TTLL4: variants seen among roughly 807,000 people sequenced by gnomAD.
TTLL4 encodes the protein tubulin monoglutamylase TTLL4.
Under a neutral mutation model 122.7 loss-of-function variants are expected in TTLL4, and 85 were observed. The observed-to-expected ratio is 0.69, with a 90% CI of 0.58 to 0.83. TTLL4 has a LOEUF of 0.83. Among genes scored for constraint, TTLL4 ranks in the 40% least tolerant of loss-of-function variants. The pLI, the probability that TTLL4 is intolerant of heterozygous loss-of-function variation, is 0.00. For synonymous variants in TTLL4, 553 were observed against 563.0 expected (o/e 0.98, Z 0.25); for missense variants, 1,363 against 1,488.6 (o/e 0.92, Z 1.39).
chr2:218,748,654 C>CAAAAA (rs570493846), intron 12 of TTLL4, 182 bp from the exon 13 acceptor site: 43 of 229,524 alleles, frequency 1.9e-4, no homozygotes, highest in African/African-American at 2.5e-4. Context: ...AACTCCATCT[C>CAAAAA]AAAAAAAAAA....
rs1050234174 is a variant in TTLL4 at position 218,729,001 on chromosome 2, C to T, written c.-99+1654C>T. On this transcript the variant is annotated intron_variant, in intron 2 of 19. Transcript: ENST00000392102. ...AGGCTGGAATGCAATGGCATGATCT[C>T]GGCTCACTGTAGCCTCCACCTCCCA... Among the ~76,000 whole-genome samples, 68 of 145,906 alleles carry T rather than the reference C, an allele frequency of 4.7e-4. 1 individual carries two copies. The highest frequency in any genetic ancestry group is 4.2e-4 in the Admixed American group (6 of 14,156).
chr2:218,719,810 C>T (rs2106394163), intron 1 of TTLL4, among the ~76,000 whole-genome samples: 1 of 152,256 alleles, frequency 6.6e-6, no homozygotes, highest in South Asian at 2.1e-4. Context: ...AAGGGATTGA[C>T]CTGATGAAGC....
At chr2:218,712,352 A>G (rs1941734255) in intron 1 of TTLL4, among the ~76,000 whole-genome samples, 2 of 151,754 alleles carry the variant, frequency 1.3e-5, no homozygotes, top group Admixed American at 1.3e-4. Flanking sequence ...CTAGCTTAAC[A>G]TGAATACATT....
intron 14 of TTLL4, 21 bp downstream of exon 14, chr2:218,749,408 A>T (rs750563844): frequency 1.2e-6 from 2 of 1,613,154 alleles, no homozygotes; most frequent in Non-Finnish European, 1.7e-6. Context: ...TTCTCAGGAC[A>T]CTCACCATAG....
intron 2 of TTLL4, among the ~76,000 whole-genome samples, chr2:218,730,097 C>T (rs1309544697): frequency 6.6e-6 from 1 of 151,964 alleles, no homozygotes; most frequent in Non-Finnish European, 1.5e-5. Flanking sequence ...AGTTTTACTT[C>T]TTCCTTTCCA....
Position 218,754,473 on chromosome 2 carries a change from A to G in TTLL4, c.*84A>G. The G allele has an allele frequency of 1.3e-6, 2 of 1,538,236 alleles. 1 individual carries two copies. Among genetic ancestry groups the G allele is most frequent in the Non-Finnish European group, 1.8e-6 (2 of 1,137,102 alleles). On this transcript the variant is annotated 3_prime_UTR_variant, in exon 20 of 20. Transcript: ENST00000392102. ...CCAGCCTGCTGTTCAGACCAGTCTGACCCCCTACCCCTTTCACCCTGTCCC... is the reference window on the plus strand; with the variant it reads ...CCAGCCTGCTGTTCAGACCAGTCTGGCCCCCTACCCCTTTCACCCTGTCCC...
intron 8 of TTLL4, 74 bp downstream of exon 8, chr2:218,746,305 G>A (rs1268312676): frequency 1.3e-6 from 2 of 1,518,748 alleles, no homozygotes; most frequent in Admixed American, 1.7e-5. Flanking sequence ...ATGTGAGTAG[G>A]GGGTAGGGGG....
At chr2:218,751,673 C>T (rs1385032247) in intron 15 of TTLL4, 31 bp from the exon 16 acceptor site, 4 of 1,607,636 alleles carry the variant, frequency 2.5e-6, no homozygotes, top group African/African-American at 1.3e-5. Context: ...GCTGACCCTG[C>T]CCTTTGCTTT....
At chr2:218,750,867 A>T (rs1575183670) in intron 15 of TTLL4, among the ~76,000 whole-genome samples, 5 of 148,988 alleles carry the variant, frequency 3.4e-5, no homozygotes. Context: ...CAGTATGGCC[A>T]TTTTTTTTTT....
chr2:218,750,183 A>T, intron 15 of TTLL4, 37 bp downstream of exon 15: 1 of 1,607,458 alleles, frequency 6.2e-7, no homozygotes, highest in Non-Finnish European at 8.5e-7. Flanking sequence ...TGCTGGCAGC[A>T]TGAGTAGCCC....
At chr2:218,741,069 T>A (rs1011461888) in intron 5 of TTLL4, among the ~76,000 whole-genome samples, 1 of 151,568 alleles carries the variant, frequency 6.6e-6, no homozygotes, top group Non-Finnish European at 1.5e-5. Flanking sequence ...CAAGACTTTG[T>A]CTCAAAAACA....
intron 3 of TTLL4, among the ~76,000 whole-genome samples, chr2:218,739,434 G>T (rs1472213205): frequency 1.3e-5 from 2 of 152,194 alleles, no homozygotes; most frequent in Admixed American, 1.3e-4. Flanking sequence ...CGATGGTAGA[G>T]CTGAGTAGTT....
intron 8 of TTLL4, 87 bp from the exon 9 acceptor site, chr2:218,746,916 A>T: frequency 1.4e-6 from 2 of 1,435,684 alleles, no homozygotes; most frequent in Non-Finnish European, 1.9e-6. Flanking sequence ...GCTGCTAAAG[A>T]AGTTGGAATG....
At chr2:218,744,962 A>G (rs1272674706) in intron 5 of TTLL4, 147 bp from the exon 6 acceptor site, 2 of 1,082,958 alleles carry the variant, frequency 1.8e-6, no homozygotes, top group African/African-American at 3.2e-5. Flanking sequence ...TAATATGTAC[A>G]AAATAATTAT....
In TTLL4 at chr2:218,712,388, C is replaced by CT. The variant is rs55690203; in HGVS notation, c.-178+1367dup. ...TCCAGATCCTCAGCTTCCCAGTGAACTTTTTTTTTTTTTTTTGAGACAGAG... is the reference window on the plus strand; with the variant it reads ...TCCAGATCCTCAGCTTCCCAGTGAACTTTTTTTTTTTTTTTTTGAGACAGAG... On this transcript the variant is annotated intron_variant, in intron 1 of 19. Transcript: ENST00000392102. Among the ~76,000 whole-genome samples the CT allele has an allele frequency of 3.4e-3, 482 of 141,620 alleles. 2 individuals carry two copies. The highest frequency in any genetic ancestry group is 7.4e-3 in the Middle Eastern group (2 of 272). The allele number at this position is 141,620 out of a possible 152,430, so 92.9% of individuals were successfully genotyped here. A position where few individuals can be genotyped will look rare whatever the true frequency, so the allele number is the denominator to read the frequency against.
At chr2:218,750,559 A>T (rs548308352) in intron 15 of TTLL4, among the ~76,000 whole-genome samples, 1 of 151,748 alleles carries the variant, frequency 6.6e-6, no homozygotes, top group Non-Finnish European at 1.5e-5. Context: ...AAAAATTCTT[A>T]CCTGGGCAGT....
At chr2:218,748,352 A>T in intron 12 of TTLL4, 125 bp downstream of exon 12, 12 of 1,412,680 alleles carry the variant, frequency 8.5e-6, no homozygotes, top group Non-Finnish European at 1.1e-5. Flanking sequence ...ACACTTACCA[A>T]TTCAGAATTG....
At chr2:218,743,098 C>T (rs998750300) in intron 5 of TTLL4, among the ~76,000 whole-genome samples, 12 of 151,904 alleles carry the variant, frequency 7.9e-5, no homozygotes, top group South Asian at 2.1e-4. Context: ...GAGCCGGTAT[C>T]GTGCCACTGC....
At chr2:218,750,305 G>A (rs1287810111) in intron 15 of TTLL4, among the ~76,000 whole-genome samples, 159 bp downstream of exon 15, 1 of 152,144 alleles carries the variant, frequency 6.6e-6, no homozygotes, top group Non-Finnish European at 1.5e-5. Context: ...CCACATCAGT[G>A]ACTCTCAAGT....
Sources: gnomAD v4.1 joint callset for allele counts (sites outside exome capture counted in the v4.1 genomes callset) on GRCh38, gnomAD v4.1.1 for gene constraint, MANE v1.5 for transcripts, NCBI Gene and HGNC (gene_info 2026-07-23, HGNC 2026-07-21) for gene names.